The following PDZD2 variants were observed in gnomAD, a reference collection of about 807,000 sequenced individuals.
PDZD2 encodes PDZ domain-containing protein 2.
Under a neutral mutation model 220.7 loss-of-function variants are expected in PDZD2, and 90 were observed. That is an observed-to-expected ratio of 0.41 (90% CI 0.34 to 0.49). The LOEUF is 0.49. Ranked by LOEUF, PDZD2 falls within the 20% of genes least tolerant of loss-of-function variation. The probability of loss-of-function intolerance (pLI) is 0.28; values close to 1 mark genes in which losing one functional copy is unlikely to be tolerated. For missense variants in PDZD2, 3,174 were observed against 3,608.5 expected (o/e 0.88, Z 3.08); for synonymous variants, 1,375 against 1,450.5 (o/e 0.95, Z 1.18).
intron 2 of PDZD2, among the ~76,000 whole-genome samples, chr5:31,872,723 A>G (rs1441707670): frequency 6.6e-6 from 1 of 152,140 alleles, no homozygotes; most frequent in African/African-American, 2.4e-5. Context: ...TCTACAGAGA[A>G]ACAGAACTGA....
At chr5:31,786,981 TA>T (rs967601328) in intron 1 of PDZD2, among the ~76,000 whole-genome samples, 4 of 152,076 alleles carry the variant, frequency 2.6e-5, no homozygotes, top group African/African-American at 7.2e-5. Flanking sequence ...ATCCTGTTTT[TA>T]AAAAAAATCA....
intron 2 of PDZD2, among the ~76,000 whole-genome samples, chr5:31,935,095 A>AG (rs1351313741): frequency 6.6e-6 from 1 of 151,700 alleles, no homozygotes; most frequent in East Asian, 1.9e-4. Context: ...CTCAAAAAAA[A>AG]AAAAAGAAAG....
chr5:31,943,285 CTG>C (rs1238244311), intron 2 of PDZD2, among the ~76,000 whole-genome samples: 1 of 151,922 alleles, frequency 6.6e-6, no homozygotes, highest in Non-Finnish European at 1.5e-5. Flanking sequence ...GTTGACACGG[CTG>C]TGGGAAGTGT....
intron 2 of PDZD2, among the ~76,000 whole-genome samples, chr5:31,891,197 C>T (rs1040006562): frequency 7.1e-6 from 1 of 140,660 alleles, no homozygotes; most frequent in African/African-American, 2.7e-5. Context: ...AGTGCAATGG[C>T]GCGATCTCGG....
At chr5:31,853,211 T>C (rs1257584196) in intron 2 of PDZD2, among the ~76,000 whole-genome samples, 1 of 152,182 alleles carries the variant, frequency 6.6e-6, no homozygotes, top group East Asian at 1.9e-4. Context: ...AGAATTCTAA[T>C]ACCCTTGGTT....
chr5:31,837,640 CT>C (rs1356329072), intron 2 of PDZD2, among the ~76,000 whole-genome samples: 4 of 152,092 alleles, frequency 2.6e-5, no homozygotes, highest in Admixed American at 1.3e-4. Context: ...AGGAGAATCA[CT>C]TGAACTTGGG....
At chr5:31,941,630 TG>T (rs1439669412) in intron 2 of PDZD2, among the ~76,000 whole-genome samples, 1 of 152,174 alleles carries the variant, frequency 6.6e-6, no homozygotes, top group Non-Finnish European at 1.5e-5. Flanking sequence ...TGTACGTACT[TG>T]GGGACAACTT....
At chr5:31,976,374 A>G (rs1017870674) in intron 2 of PDZD2, among the ~76,000 whole-genome samples, 1 of 152,178 alleles carries the variant, frequency 6.6e-6, no homozygotes, top group African/African-American at 2.4e-5. Flanking sequence ...GTAGCCTCCC[A>G]TTACTTCTTA....
At chr5:32,073,681 G>A (rs1002286594) in intron 17 of PDZD2, 151 bp from the exon 18 acceptor site, 1 of 675,254 alleles carries the variant, frequency 1.5e-6, no homozygotes, top group Non-Finnish European at 2.7e-6. Context: ...AGGAAGCCAT[G>A]TTGCCTAGGC....
At chr5:31,750,922 A>G (rs1474455522) in intron 1 of PDZD2, among the ~76,000 whole-genome samples, 4 of 152,228 alleles carry the variant, frequency 2.6e-5, no homozygotes. Context: ...GCTAGGTATG[A>G]AGGGATGCCA....
rs114532070 is a variant in PDZD2, at chr5:31,651,015, G to C, written c.-361+11578G>C. Among the ~76,000 whole-genome samples, 1,214 of 152,050 alleles carry C rather than the reference G, an allele frequency of 8.0e-3. 16 individuals carry two copies. The highest frequency in any genetic ancestry group is 0.027 in the African/African-American group (1,128 of 41,482). ...AGGACAGGTTCTTGCCAGGTGTAGG[G>C]CTCAAAGTTTGCAGACTAGGGAGAA... On this transcript the variant is annotated intron_variant, in intron 1 of 24. Coordinates refer to ENST00000438447, the MANE Select transcript of PDZD2 (RefSeq NM_178140.4).
intron 2 of PDZD2, among the ~76,000 whole-genome samples, chr5:31,958,411 G>A (rs1174032465): frequency 2.6e-5 from 4 of 151,604 alleles, no homozygotes; most frequent in Non-Finnish European, 4.4e-5. Context: ...CTGCCACTGC[G>A]CCTAGCTAAT....
At chr5:31,938,833 T>C (rs1745982057) in intron 2 of PDZD2, among the ~76,000 whole-genome samples, 1 of 152,188 alleles carries the variant, frequency 6.6e-6, no homozygotes, top group South Asian at 2.1e-4. Flanking sequence ...TTCATTGTTA[T>C]GTCATTTCTA....
At chr5:31,807,683 T>G (rs1436260957) in intron 2 of PDZD2, among the ~76,000 whole-genome samples, 1 of 152,110 alleles carries the variant, frequency 6.6e-6, no homozygotes, top group Non-Finnish European at 1.5e-5. Context: ...TTGGAAGGGA[T>G]GCTGGCGGAT....
intron 2 of PDZD2, among the ~76,000 whole-genome samples, chr5:31,978,781 A>G (rs928290857): frequency 6.6e-6 from 1 of 151,924 alleles, no homozygotes; most frequent in Non-Finnish European, 1.5e-5. Flanking sequence ...TTGCTGCAGC[A>G]TCCGTAATTC....
chr5:31,680,830 C>T (rs1746622239), intron 1 of PDZD2, among the ~76,000 whole-genome samples: 1 of 152,172 alleles, frequency 6.6e-6, no homozygotes, highest in East Asian at 1.9e-4. Context: ...TGCACGGAAC[C>T]TCTGCCCAGC....
intron 2 of PDZD2, among the ~76,000 whole-genome samples, chr5:31,826,813 G>A (rs1756254465): frequency 6.6e-6 from 1 of 152,128 alleles, no homozygotes; most frequent in African/African-American, 2.4e-5. Flanking sequence ...ATCCCTATGA[G>A]GTAAGAGGCG....
rs201323301 is a variant in PDZD2 at position 31,956,546 on chromosome 5, C to CA, written c.477-26596dup. ...TGGGCGACAGAGTGAGACTCTGTCT[C>CA]AAAAAAAAAAAAATAAATAAAATAA... On this transcript the variant is annotated intron_variant, in intron 2 of 24. Coordinates refer to ENST00000438447, the MANE Select transcript of PDZD2 (RefSeq NM_178140.4). Among the ~76,000 whole-genome samples, 479 of 91,934 alleles carry CA rather than the reference C, an allele frequency of 5.2e-3. 4 individuals are homozygous for CA. The East Asian group carries it at 0.067, about 13-fold the overall frequency. 60.3% of individuals were successfully genotyped at this position (91,934 alleles called of 152,430 possible). A position where few individuals can be genotyped will look rare whatever the true frequency, so the allele number is the denominator to read the frequency against.
At chr5:31,890,047 C>G (rs1435451569) in intron 2 of PDZD2, among the ~76,000 whole-genome samples, 2 of 149,570 alleles carry the variant, frequency 1.3e-5, no homozygotes, top group East Asian at 3.9e-4. Flanking sequence ...AAACAAACAC[C>G]CCCCCACCCC....
Sources: allele counts gnomAD v4.1 joint callset (sites outside exome capture counted in the v4.1 genomes callset), GRCh38; gene constraint gnomAD v4.1.1; transcripts MANE v1.5; gene names NCBI Gene and HGNC (gene_info 2026-07-23, HGNC 2026-07-21).